Variants in NPSR1 observed in about 807,000 individuals in gnomAD.
NPSR1 encodes the protein neuropeptide S receptor.
Under a neutral mutation model 46.9 loss-of-function variants are expected in NPSR1, and 48 were observed. That is an observed-to-expected ratio of 1.02 (90% CI 0.81 to 1.30). The LOEUF (loss-of-function observed/expected upper bound fraction) is 1.30. Among genes scored for constraint, NPSR1 ranks in the 50% most tolerant of loss-of-function variants. NPSR1 has a pLI of 0.00. For synonymous variants in NPSR1, 176 were observed against 168.1 expected (o/e 1.05, Z -0.36); for missense variants, 450 against 449.5 (o/e 1.00, Z -0.01).
At chr7:34,868,457 G>C (rs1791371376) in intron 8 of NPSR1, among the ~76,000 whole-genome samples, 1 of 151,628 alleles carries the variant, frequency 6.6e-6, no homozygotes, top group Non-Finnish European at 1.5e-5. Context: ...CAAAAAGTAA[G>C]CCCCAAAGTC....
At chr7:34,784,245 C>A (rs1043113603) in intron 3 of NPSR1, among the ~76,000 whole-genome samples, 9 of 152,178 alleles carry the variant, frequency 5.9e-5, no homozygotes, top group African/African-American at 2.2e-4. Flanking sequence ...TGAGAGAGGG[C>A]ATCCCTGTCT....
chr7:34,783,573 C>CA (rs947905169), intron 3 of NPSR1, among the ~76,000 whole-genome samples: 11 of 150,308 alleles, frequency 7.3e-5, no homozygotes, highest in South Asian at 4.2e-4. Flanking sequence ...ATGAGAGAGA[C>CA]AAAAAAAATA....
At chr7:34,806,920 T>G (rs1424912625) in intron 3 of NPSR1, among the ~76,000 whole-genome samples, 1 of 152,146 alleles carries the variant, frequency 6.6e-6, no homozygotes, top group Non-Finnish European at 1.5e-5. Flanking sequence ...GTCTCACTTC[T>G]CTGTGCAAGA....
At chr7:34,772,722 G>A (rs1484828436) in intron 2 of NPSR1, among the ~76,000 whole-genome samples, 2 of 152,078 alleles carry the variant, frequency 1.3e-5, no homozygotes, top group African/African-American at 4.8e-5. Context: ...CCTGTGTTGG[G>A]GGCCTGCTGA....
chr7:34,843,022 C>T (rs748486405), intron 6 of NPSR1, among the ~76,000 whole-genome samples: 23 of 152,176 alleles, frequency 1.5e-4, no homozygotes, highest in Admixed American at 5.9e-4. Context: ...CCTATTCCCA[C>T]GCTGCACCCC....
At chr7:34,821,386 A>C (rs2128753734) in intron 4 of NPSR1, among the ~76,000 whole-genome samples, 1 of 152,102 alleles carries the variant, frequency 6.6e-6, no homozygotes, top group Non-Finnish European at 1.5e-5. Context: ...TTGGCCTTCC[A>C]AAGTGCTGGG....
At chr7:34,819,513 C>T (rs912904989) in intron 4 of NPSR1, among the ~76,000 whole-genome samples, 1 of 152,148 alleles carries the variant, frequency 6.6e-6, no homozygotes, top group Non-Finnish European at 1.5e-5. Context: ...TGTGGCGATT[C>T]CTCAAGGATC....
At chr7:34,678,097 A>G (rs59205885) in intron 1 of NPSR1, among the ~76,000 whole-genome samples, 26,879 of 152,050 alleles carry the variant, frequency 0.18, 3,479 homozygotes, top group African/African-American at 0.36. Context: ...TTCCTTCTTC[A>G]TCCAAGAATG....
Position 34,869,002 on chromosome 7 carries a change from T to C in NPSR1, c.1026-9074T>C, listed in dbSNP as rs553763057. Among the ~76,000 whole-genome samples the C allele has an allele frequency of 4.3e-4, 66 of 151,828 alleles. 4 individuals are homozygous for C. The highest frequency in any genetic ancestry group is 1.4e-3 in the African/African-American group (56 of 41,108). On this transcript the variant is annotated intron_variant, in intron 8 of 8. Coordinates refer to the NPSR1 transcript ENST00000359791. ...ACTCCTGAGGACCTGCCCCTTGCTGTCTTTCATTGCACCTACTGTTTCTAT... is the reference window on the plus strand; with the variant it reads ...ACTCCTGAGGACCTGCCCCTTGCTGCCTTTCATTGCACCTACTGTTTCTAT...
intron 1 of NPSR1, among the ~76,000 whole-genome samples, chr7:34,669,805 G>A (rs1791953519): frequency 6.6e-6 from 1 of 152,174 alleles, no homozygotes; most frequent in African/African-American, 2.4e-5. Context: ...AGGTTACATA[G>A]CTGGTAGATG....
chr7:34,775,547 G>A (rs1183261967), intron 2 of NPSR1, among the ~76,000 whole-genome samples: 1 of 152,014 alleles, frequency 6.6e-6, no homozygotes, highest in African/African-American at 2.4e-5. Context: ...TTGGTACATT[G>A]TATGCATCTA....
intron 1 of NPSR1, among the ~76,000 whole-genome samples, chr7:34,671,330 A>T (rs1275875085): frequency 6.6e-6 from 1 of 152,170 alleles, no homozygotes; most frequent in East Asian, 1.9e-4. Context: ...AGCTTACTGT[A>T]TTTTCTAGAG....
At chr7:34,730,897 C>T (rs1163429024) in intron 2 of NPSR1, among the ~76,000 whole-genome samples, 2 of 152,186 alleles carry the variant, frequency 1.3e-5, no homozygotes, top group African/African-American at 4.8e-5. Context: ...GAATGGAAAC[C>T]TAATAAACAT....
intron 2 of NPSR1, among the ~76,000 whole-genome samples, chr7:34,691,373 T>C (rs992516858): frequency 6.6e-6 from 1 of 152,172 alleles, no homozygotes; most frequent in African/African-American, 2.4e-5. Context: ...ATATTAATAT[T>C]AATCTTGAAT....
intron 6 of NPSR1, among the ~76,000 whole-genome samples, chr7:34,835,327 C>T (rs992050880): frequency 3.3e-5 from 5 of 152,222 alleles, no homozygotes; most frequent in African/African-American, 1.2e-4. Flanking sequence ...AATGCATACT[C>T]ACACTTATAT....
intron 2 of NPSR1, chr7:34,751,678 A>T (rs1167208728): frequency 6.3e-7 from 1 of 1,590,488 alleles, no homozygotes; most frequent in East Asian, 2.2e-5. Flanking sequence ...CAGGGACAAG[A>T]GGTTCATCAA....
intron 4 of NPSR1, among the ~76,000 whole-genome samples, chr7:34,826,602 C>T (rs1789853387): frequency 6.6e-6 from 1 of 152,174 alleles, no homozygotes; most frequent in Admixed American, 6.5e-5. Context: ...GAAAGCATCA[C>T]ATCATAACAA....
chr7:34,835,439 T>C (rs1339177586), intron 6 of NPSR1, among the ~76,000 whole-genome samples: 1 of 152,176 alleles, frequency 6.6e-6, no homozygotes, highest in African/African-American at 2.4e-5. Flanking sequence ...CCTGGCAAAG[T>C]TATCTAATCC....
At chr7:34,792,070 A>T (rs1030439165) in intron 3 of NPSR1, among the ~76,000 whole-genome samples, 2 of 152,120 alleles carry the variant, frequency 1.3e-5, no homozygotes, top group African/African-American at 4.8e-5. Context: ...TCAACTCAAA[A>T]CAGATTAAAG....
Sources: gnomAD v4.1 joint callset for allele counts (sites outside exome capture counted in the v4.1 genomes callset) on GRCh38, gnomAD v4.1.1 for gene constraint, MANE v1.5 for transcripts, NCBI Gene and HGNC (gene_info 2026-07-23, HGNC 2026-07-21) for gene names.